The following TOX variants were observed in gnomAD, a reference collection of about 807,000 sequenced individuals.
The protein encoded by TOX is thymocyte selection associated high mobility group box.
A neutral mutation model predicts 53.7 loss-of-function variants in TOX; 11 were observed. That is an observed-to-expected ratio of 0.20 (90% CI 0.13 to 0.34). TOX has a LOEUF of 0.34. Among genes scored for constraint, TOX ranks in the 10% least tolerant of loss-of-function variants. The pLI, the probability that TOX is intolerant of heterozygous loss-of-function variation, is 1.00. For missense variants in TOX, 570 were observed against 664.6 expected (o/e 0.86, Z 1.56); for synonymous variants, 225 against 245.3 (o/e 0.92, Z 0.77).
intron 1 of TOX, among the ~76,000 whole-genome samples, chr8:59,027,781 G>A (rs408873): frequency 0.9 from 137,052 of 152,134 alleles, 61,890 homozygotes; most frequent in East Asian, 1. Context: ...TAGAGGAGTT[G>A]CCGGTACACA....
chr8:59,095,978 C>T (rs1028994880), intron 1 of TOX, among the ~76,000 whole-genome samples: 1 of 152,176 alleles, frequency 6.6e-6, no homozygotes, highest in African/African-American at 2.4e-5. Context: ...ACTTTCTGAA[C>T]CTCAGTTTCC....
intron 1 of TOX, among the ~76,000 whole-genome samples, chr8:58,960,592 T>C (rs1245389954): frequency 6.6e-6 from 1 of 152,124 alleles, no homozygotes; most frequent in Non-Finnish European, 1.5e-5. Flanking sequence ...ACAATAAAAA[T>C]ACACAGGCAC....
At chr8:58,985,151 A>G (rs1047456777) in intron 1 of TOX, among the ~76,000 whole-genome samples, 2 of 150,196 alleles carry the variant, frequency 1.3e-5, no homozygotes, top group Non-Finnish European at 3.0e-5. Context: ...ATATATATCT[A>G]TATCTTCTAT....
chr8:59,015,646 GT>G (rs1179842349), intron 1 of TOX, among the ~76,000 whole-genome samples: 1 of 152,122 alleles, frequency 6.6e-6, no homozygotes, highest in Non-Finnish European at 1.5e-5. Context: ...AAAAAAGACA[GT>G]GCTTTATCTA....
At chr8:58,869,069 T>TC (rs1244534861) in intron 3 of TOX, among the ~76,000 whole-genome samples, 9 of 151,664 alleles carry the variant, frequency 5.9e-5, no homozygotes, top group African/African-American at 1.9e-4. Context: ...TCTACTAAAA[T>TC]ACAAAAAATT....
intron 1 of TOX, among the ~76,000 whole-genome samples, chr8:59,087,960 T>C (rs1804542659): frequency 6.6e-6 from 1 of 152,228 alleles, no homozygotes; most frequent in Admixed American, 6.5e-5. Context: ...CAACTCAACC[T>C]GGCCCTGGGT....
chr8:58,909,514 A>G (rs1811874094), intron 3 of TOX, among the ~76,000 whole-genome samples: 1 of 152,188 alleles, frequency 6.6e-6, no homozygotes, highest in African/African-American at 2.4e-5. Flanking sequence ...AAAAAAGTTA[A>G]TTCTGTACCA....
intron 1 of TOX, among the ~76,000 whole-genome samples, chr8:59,026,357 A>G (rs1210236895): frequency 6.6e-6 from 1 of 152,182 alleles, no homozygotes; most frequent in Non-Finnish European, 1.5e-5. Context: ...TGTGTAAGAA[A>G]AGCAATAGAA....
chr8:58,938,649 T>C (rs1415171088), intron 3 of TOX, among the ~76,000 whole-genome samples: 1 of 152,200 alleles, frequency 6.6e-6, no homozygotes, highest in Non-Finnish European at 1.5e-5. Context: ...CTGGACTCCC[T>C]GGGTAGAGCC....
chr8:58,840,246 C>G (rs1412964335), intron 4 of TOX, among the ~76,000 whole-genome samples: 1 of 152,108 alleles, frequency 6.6e-6, no homozygotes, highest in Non-Finnish European at 1.5e-5. Context: ...AAATTGTCTA[C>G]TGAAGCAGAT....
chr8:58,819,977 A>T (rs1810246119), intron 6 of TOX, among the ~76,000 whole-genome samples: 1 of 152,174 alleles, frequency 6.6e-6, no homozygotes. Context: ...GCAGGTGATT[A>T]ACTTATACCC....
intron 3 of TOX, among the ~76,000 whole-genome samples, chr8:58,906,846 T>C (rs191958435): frequency 4.9e-4 from 75 of 152,314 alleles, no homozygotes; most frequent in Admixed American, 9.1e-4. Flanking sequence ...CCTTTCAAAA[T>C]ATAAAAATAT....
chr8:59,090,198 G>C (rs765409049), intron 1 of TOX, among the ~76,000 whole-genome samples: 7 of 152,130 alleles, frequency 4.6e-5, no homozygotes, highest in Non-Finnish European at 7.3e-5. Context: ...ATTTGACCTA[G>C]GAAAACTTTT....
At chr8:58,818,107 C>T (rs943698526) in intron 6 of TOX, among the ~76,000 whole-genome samples, 4 of 152,086 alleles carry the variant, frequency 2.6e-5, no homozygotes, top group African/African-American at 9.7e-5. Flanking sequence ...ACTTTATTAC[C>T]AACCTTGTAA....
chr8:58,970,866 C>A (rs1262740444), intron 1 of TOX, among the ~76,000 whole-genome samples: 1 of 152,126 alleles, frequency 6.6e-6, no homozygotes, highest in Admixed American at 6.5e-5. Flanking sequence ...AACATTTATT[C>A]CATATTCTTT....
At chr8:58,906,524 T>C (rs1385699933) in intron 3 of TOX, among the ~76,000 whole-genome samples, 1 of 152,222 alleles carries the variant, frequency 6.6e-6, no homozygotes, top group East Asian at 1.9e-4. Context: ...CTGATCGCAA[T>C]TACAATCTGT....
intron 1 of TOX, among the ~76,000 whole-genome samples, chr8:58,979,108 G>C (rs1813156785): frequency 6.6e-6 from 1 of 152,176 alleles, no homozygotes; most frequent in Non-Finnish European, 1.5e-5. Flanking sequence ...TATTTGACAT[G>C]ATACCTTTCC....
At chr8:58,970,122 A>C (rs1812976141) in intron 1 of TOX, among the ~76,000 whole-genome samples, 1 of 152,196 alleles carries the variant, frequency 6.6e-6, no homozygotes, top group South Asian at 2.1e-4. Flanking sequence ...CCAGGTACAC[A>C]CATGCATTAA....
At chr8:58,910,475 C>G (rs573644373) in intron 3 of TOX, among the ~76,000 whole-genome samples, 163 of 152,192 alleles carry the variant, frequency 1.1e-3, no homozygotes, top group African/African-American at 3.8e-3. Context: ...AACAGAAATA[C>G]CATGAAGTTT....
Sources: gnomAD v4.1 joint callset for allele counts (sites outside exome capture counted in the v4.1 genomes callset) on GRCh38, gnomAD v4.1.1 for gene constraint, MANE v1.5 for transcripts, NCBI Gene and HGNC (gene_info 2026-07-23, HGNC 2026-07-21) for gene names.